Variants in ARHGAP6 observed in about 807,000 individuals in gnomAD.
ARHGAP6 encodes the protein rho GTPase-activating protein 6.
Under a neutral mutation model 55.7 loss-of-function variants are expected in ARHGAP6, and 16 were observed. The observed-to-expected ratio is 0.29, with a 90% CI of 0.19 to 0.44. The LOEUF (loss-of-function observed/expected upper bound fraction) is 0.44, where lower values mean the gene tolerates loss of function less well. Among genes scored for constraint, ARHGAP6 ranks in the 20% least tolerant of loss-of-function variants. ARHGAP6 has a pLI of 1.00. For synonymous variants in ARHGAP6, 382 were observed against 360.9 expected (o/e 1.06, Z -0.66); for missense variants, 698 against 808.9 (o/e 0.86, Z 1.66).
At chrX:11,410,239 A>T (rs911316354) in intron 1 of ARHGAP6, among the ~76,000 whole-genome samples, 3 of 112,598 alleles carry the variant, frequency 2.7e-5, no homozygotes, top group Non-Finnish European at 3.7e-5. Context: ...CCATCACTTG[A>T]TGAATGAATA....
At chrX:11,558,899 A>AGCTCC (rs1214454834) in intron 1 of ARHGAP6, among the ~76,000 whole-genome samples, 1 of 102,226 alleles carries the variant, frequency 9.8e-6, no homozygotes, top group Non-Finnish European at 2.0e-5. Context: ...TGCATGAAGC[A>AGCTCC]GCTCCCCTTA....
intron 1 of ARHGAP6, among the ~76,000 whole-genome samples, chrX:11,440,136 A>G (rs1243955483): frequency 8.9e-6 from 1 of 112,359 alleles, no homozygotes; most frequent in East Asian, 2.8e-4. Context: ...ATCCATGTCT[A>G]TATTTGGCCC....
intron 1 of ARHGAP6, among the ~76,000 whole-genome samples, chrX:11,485,633 T>C (rs764133578): frequency 2.6e-4 from 29 of 112,623 alleles, no homozygotes; most frequent in African/African-American, 9.0e-4. Flanking sequence ...TCAGCTCTAA[T>C]AAATGCTAAA....
intron 2 of ARHGAP6, among the ~76,000 whole-genome samples, chrX:11,228,589 C>T (rs1391258491): frequency 2.7e-5 from 3 of 111,736 alleles, no homozygotes; most frequent in Non-Finnish European, 3.8e-5. Flanking sequence ...AATACATCAC[C>T]GTGTTCCAAA....
At position 11,592,744 on chromosome X, in the gene ARHGAP6, C is replaced by A. The variant is rs943177539; in HGVS notation, c.588+71497G>T. ...GCCCAAAAGAGAAGATGTGCTTGCC[C>A]TTTTCTTCGAAGAAATGAGAATTAA... On this transcript the variant is annotated intron_variant, in intron 1 of 12. Transcript: ENST00000337414. Among the ~76,000 whole-genome samples the A allele has an allele frequency of 2.7e-5, 3 of 111,331 alleles. No individual in the cohort carries two copies. The East Asian group carries it at 8.4e-4, about 31-fold the overall frequency.
At chrX:11,323,391 A>G (rs2048456973) in intron 1 of ARHGAP6, among the ~76,000 whole-genome samples, 1 of 112,578 alleles carries the variant, frequency 8.9e-6, no homozygotes, top group Non-Finnish European at 1.9e-5. Context: ...ATAAGACATC[A>G]GTTTGAAAAG....
intron 1 of ARHGAP6, among the ~76,000 whole-genome samples, chrX:11,549,776 A>G (rs2051247706): frequency 8.9e-6 from 1 of 112,702 alleles, no homozygotes; most frequent in African/African-American, 3.2e-5. Flanking sequence ...CCATTTTACA[A>G]GGAGAGAATT....
chrX:11,382,075 G>T (rs902256868), intron 1 of ARHGAP6, among the ~76,000 whole-genome samples: 9 of 111,730 alleles, frequency 8.1e-5, no homozygotes, highest in African/African-American at 2.9e-4. Flanking sequence ...TTGTAATGTT[G>T]TTGGTTGTGG....
chrX:11,467,121 T>C (rs1404299292), intron 1 of ARHGAP6, among the ~76,000 whole-genome samples: 3 of 111,365 alleles, frequency 2.7e-5, no homozygotes, highest in Non-Finnish European at 3.8e-5. Context: ...TGGTAACAAG[T>C]TGAATGGGAC....
chrX:11,402,164 C>A (rs1279270460), intron 1 of ARHGAP6, among the ~76,000 whole-genome samples: 2 of 112,177 alleles, frequency 1.8e-5, no homozygotes, highest in Non-Finnish European at 3.8e-5. Context: ...ATTCCAAACA[C>A]AAACCCAAAG....
rs138633866 is a variant in ARHGAP6 at position 11,579,246 on chromosome X, G to T, written c.588+84995C>A. 3.9e-3 allele frequency among the ~76,000 whole-genome samples: 428 copies of T among 111,035 alleles called. 2 individuals are homozygous for T. The highest frequency in any genetic ancestry group is 0.012 in the African/African-American group (379 of 30,612). On this transcript the variant is annotated intron_variant, in intron 1 of 12. Coordinates refer to ENST00000337414, the MANE Select transcript of ARHGAP6 (RefSeq NM_013427.3). ...GGGACTTTCTTTAGAGAAACGTTTG[G>T]ACGATCATGGGCCCAATGAGGAAAA...
intron 2 of ARHGAP6, among the ~76,000 whole-genome samples, chrX:11,252,720 A>G (rs1445864231): frequency 8.9e-6 from 1 of 112,331 alleles, no homozygotes; most frequent in Admixed American, 9.4e-5. Context: ...CCAGTGAAAT[A>G]TGCATGTCTT....
At chrX:11,353,549 A>AGTGTGTGT (rs200177159) in intron 1 of ARHGAP6, among the ~76,000 whole-genome samples, 54 of 82,471 alleles carry the variant, frequency 6.5e-4, no homozygotes, top group East Asian at 4.6e-3. Flanking sequence ...TATTGCTTAT[A>AGTGTGTGT]GTGTGTGTGT....
At chrX:11,287,635 C>A (rs143491390) in intron 1 of ARHGAP6, among the ~76,000 whole-genome samples, 1,440 of 111,601 alleles carry the variant, frequency 0.013, 21 homozygotes, top group African/African-American at 0.032. Flanking sequence ...TGCCATTGCC[C>A]TTTTTCTACC....
chrX:11,439,429 T>C (rs1442767288), intron 1 of ARHGAP6, among the ~76,000 whole-genome samples: 1 of 112,436 alleles, frequency 8.9e-6, no homozygotes, highest in East Asian at 2.8e-4. Flanking sequence ...GGTGAGCAGT[T>C]GCCAGAGACC....
At chrX:11,337,358 A>T (rs1054283452) in intron 1 of ARHGAP6, among the ~76,000 whole-genome samples, 7 of 111,460 alleles carry the variant, frequency 6.3e-5, no homozygotes, top group African/African-American at 2.0e-4. Flanking sequence ...GTACAACAAG[A>T]TGTGCACATA....
chrX:11,524,426 C>T lies in ARHGAP6; in HGVS notation c.588+139815G>A, dbSNP rs112495668. Among the ~76,000 whole-genome samples, 347 of 112,230 alleles carry T rather than the reference C, an allele frequency of 3.1e-3. 1 individual carries two copies. Among genetic ancestry groups the T allele is most frequent in the African/African-American group, 0.011 (326 of 30,872 alleles). On this transcript the variant is annotated intron_variant, in intron 1 of 12. Transcript: ENST00000337414. ...GACAATCATGCCATCAGTTGATATC[C>T]TCTCACAGAGCAGAGCTGGGTCTAC... is the stretch of plus-strand genomic sequence containing the variant.
chrX:11,195,462 A>AG (rs1487245857), intron 3 of ARHGAP6, among the ~76,000 whole-genome samples: 1 of 111,685 alleles, frequency 9.0e-6, no homozygotes, highest in Admixed American at 9.5e-5. Flanking sequence ...GAGAGTGGCT[A>AG]AAGTTTTAGT....
At chrX:11,324,716 G>T (rs1427273142) in intron 1 of ARHGAP6, among the ~76,000 whole-genome samples, 1 of 111,748 alleles carries the variant, frequency 8.9e-6, no homozygotes, top group Non-Finnish European at 1.9e-5. Context: ...TAAAATGGCG[G>T]GTATCATTGA....
Sources: allele counts gnomAD v4.1 joint callset (sites outside exome capture counted in the v4.1 genomes callset), GRCh38; gene constraint gnomAD v4.1.1; transcripts MANE v1.5; gene names NCBI Gene and HGNC (gene_info 2026-07-23, HGNC 2026-07-21).